SERINC3: variants seen among roughly 807,000 people sequenced by gnomAD.
SERINC3 encodes serine incorporator 3.
SERINC3 carries 22 observed loss-of-function variants against 52.1 expected under a neutral mutation model. That is an observed-to-expected ratio of 0.42 (90% CI 0.30 to 0.60). The LOEUF is 0.60. SERINC3 is among the 20% of genes least tolerant of loss of function. SERINC3 has a pLI of 0.16. For synonymous variants in SERINC3, 226 were observed against 212.7 expected (o/e 1.06, Z -0.54); for missense variants, 564 against 584.6 (o/e 0.96, Z 0.36).
rs748590093 is a variant in SERINC3 at position 44,506,819 on chromosome 20, A to T, written c.783+8T>A. 2 of 1,557,150 alleles carry T rather than the reference A, an allele frequency of 1.3e-6. No homozygotes were observed. Among genetic ancestry groups the T allele is most frequent in the South Asian group, 2.5e-5 (2 of 79,538 alleles). ...TTCACAGGAGAAAGAAGTAGTAAAC[A>T]ATCATACCTGAATTTTTGGGTGGAT... On this transcript the variant is annotated splice_region_variant and intron_variant, in intron 6 of 9. Transcript: ENST00000342374.
In SERINC3 at chr20:44,506,853, T is replaced by C. The variant is rs148307225; in HGVS notation, c.757A>G (p.Ile253Val). 4.8e-5 allele frequency: 76 copies of C among 1,592,294 alleles called. No individual in the cohort carries two copies. The highest frequency in any genetic ancestry group is 1.3e-4 in the African/African-American group (10 of 74,132). Residue 253 changes from isoleucine (I) to valine (V), a missense_variant, in exon 6 of 10, where the codon ATT becomes GTT. Coordinates refer to ENST00000342374, the MANE Select transcript of SERINC3 (RefSeq NM_006811.4). The part of the protein sequence containing the change: ...INLILCVVAS[I>V]ISIHPKIQEH... ...TGAATTTTTGGGTGGATCGATATAA[T>C]AGAAGCCACAACGCAAAGGATCAGG...
intron 9 of SERINC3, 35 bp downstream of exon 9, chr20:44,501,038 T>C (rs997031653): frequency 1.3e-6 from 2 of 1,500,918 alleles, no homozygotes; most frequent in Middle Eastern, 1.7e-4. Context: ...CCAAGGGTTT[T>C]ATGGTCTTCT....
At chr20:44,515,278 C>G (rs1189646351) in intron 1 of SERINC3, among the ~76,000 whole-genome samples, 1 of 152,126 alleles carries the variant, frequency 6.6e-6, no homozygotes, top group Non-Finnish European at 1.5e-5. Flanking sequence ...TGCTTGAACC[C>G]AGGAGGTGGA....
Position 44,513,976 on chromosome 20 carries a change from G to C in SERINC3, c.104C>G (p.Ser35Cys). 2 of 1,614,172 alleles carry C rather than the reference G, an allele frequency of 1.2e-6. No homozygotes were observed. Among genetic ancestry groups the C allele is most frequent in the Non-Finnish European group, 8.5e-7 (1 of 1,180,032 alleles). ...LCSCCPNSKNSTVTRLIYAFI... is the reference protein window; with the variant it reads ...LCSCCPNSKNCTVTRLIYAFI... Reference sequence around the variant, plus strand: ...AGCATAAATGAGGCGAGTCACCGTGGAATTCTTACTGTTAGGACAGCAACT... The same window carrying C: ...AGCATAAATGAGGCGAGTCACCGTGCAATTCTTACTGTTAGGACAGCAACT... The change falls in exon 2 of 10, where the codon TCC becomes TGC. Residue 35 changes from serine to cysteine, a missense_variant. Transcript: ENST00000342374.
At chr20:44,506,690 G>A (rs1194540058) in intron 6 of SERINC3, 137 bp downstream of exon 6, 10 of 350,890 alleles carry the variant, frequency 2.8e-5, no homozygotes, top group Non-Finnish European at 3.8e-5. Context: ...GCATGAAATA[G>A]AATTATGAAG....
chr20:44,497,214 C>T (rs2064253608), downstream of SERINC3, among the ~76,000 whole-genome samples: 1 of 152,182 alleles, frequency 6.6e-6, no homozygotes, highest in Non-Finnish European at 1.5e-5. Context: ...TCAAAATACT[C>T]CCCTGCTTTA....
At position 44,499,542 on chromosome 20, in the gene SERINC3, T is replaced by C. The variant is rs2064266877; in HGVS notation, c.*754A>G. The C allele has an allele frequency of 6.6e-6, 1 of 152,342 alleles. No individual in the cohort carries two copies. Among genetic ancestry groups the C allele is most frequent in the Non-Finnish European group, 1.5e-5 (1 of 68,034 alleles). The allele number at this position is 152,342 out of a possible 1,614,324, so 9.4% of individuals were successfully genotyped here. A position where few individuals can be genotyped will look rare whatever the true frequency, so the allele number is the denominator to read the frequency against. The stretch of plus-strand genomic sequence containing the variant: ...TGCAAATATGATAAATTCACATGCA[T>C]TTTACTTTTACATACTCATAACAAG... On this transcript the variant is annotated 3_prime_UTR_variant, in exon 10 of 10. Coordinates refer to ENST00000342374, the MANE Select transcript of SERINC3 (RefSeq NM_006811.4).
At chr20:44,506,584 C>CAAAAAAAAAAAAAAAAAAAAAAAAA (rs1191331026) in intron 6 of SERINC3, among the ~76,000 whole-genome samples, 2 of 14,262 alleles carry the variant, frequency 1.4e-4, no homozygotes, top group African/African-American at 2.4e-4. Flanking sequence ...GACTCCATCT[C>CAAAAAAAAAAAAAAAAAAAAAAAAA]AAAAAAAAAA....
chr20:44,510,107 A>T, intron 4 of SERINC3, 79 bp from the exon 5 acceptor site: 1 of 1,385,272 alleles, frequency 7.2e-7, no homozygotes, highest in Admixed American at 1.8e-5. Flanking sequence ...AACGGATTTC[A>T]ATTAAAACAA....
chr20:44,509,881 A>G lies in SERINC3; in HGVS notation c.613+10T>C, dbSNP rs6031639. Reference sequence around the variant, plus strand: ...CAGTATGGCTAACATAGGTGAGTAGAGATACCTACCAGCATACCACAACCT... The same window carrying G: ...CAGTATGGCTAACATAGGTGAGTAGGGATACCTACCAGCATACCACAACCT... On this transcript the variant is annotated intron_variant, in intron 5 of 9. Coordinates refer to ENST00000342374, the MANE Select transcript of SERINC3 (RefSeq NM_006811.4). The G allele has an allele frequency of 5.0e-6, 8 of 1,613,814 alleles. No homozygotes were observed. In the African/African-American group the frequency reaches 8.0e-5, roughly 16 times the overall value.
Position 44,501,285 on chromosome 20 carries a change from A to G in SERINC3, c.1071T>C (p.Thr357=). The G allele has an allele frequency of 6.2e-7, 1 of 1,614,076 alleles. No individual in the cohort carries two copies. The highest frequency in any genetic ancestry group is 8.5e-7 in the Non-Finnish European group (1 of 1,179,988). The part of the protein sequence containing the change: ...CLLYSSIRTS[T]NSQVDKLTLS... ...GGGTCAGCTTGTCTACTTGGCTATTAGTGGAAGTGCGGATGCTGGAAAGTG... is the reference window on the plus strand; with the variant it reads ...GGGTCAGCTTGTCTACTTGGCTATTGGTGGAAGTGCGGATGCTGGAAAGTG... The change falls in exon 9 of 10, where the codon ACT becomes ACC. Residue 357 remains threonine (T), a synonymous_variant. Transcript: ENST00000342374.
At chr20:44,508,117 CTTAG>C (rs1480513746) in intron 5 of SERINC3, among the ~76,000 whole-genome samples, 1 of 152,156 alleles carries the variant, frequency 6.6e-6, no homozygotes, top group Non-Finnish European at 1.5e-5. Context: ...TTTTTCTACA[CTTAG>C]TTACTGTAAA....
chr20:44,514,944 G>C (rs1280745772), intron 1 of SERINC3, among the ~76,000 whole-genome samples: 1 of 152,114 alleles, frequency 6.6e-6, no homozygotes, highest in Middle Eastern at 3.2e-3. Flanking sequence ...GTTTGAAACT[G>C]CTATTAAAAC....
At chr20:44,509,179 G>T (rs957571302) in intron 5 of SERINC3, among the ~76,000 whole-genome samples, 5 of 152,114 alleles carry the variant, frequency 3.3e-5, no homozygotes, top group East Asian at 1.9e-4. Context: ...TCTAGAAATT[G>T]TAAGTGCCCC....
intron 1 of SERINC3, among the ~76,000 whole-genome samples, chr20:44,516,852 G>A (rs2064383882): frequency 6.6e-6 from 1 of 152,164 alleles, no homozygotes; most frequent in Non-Finnish European, 1.5e-5. Flanking sequence ...GCCCAGCTAA[G>A]AGAGGATATA....
chr20:44,500,506 C>G, intron 9 of SERINC3, 72 bp from the exon 10 acceptor site: 1 of 1,521,006 alleles, frequency 6.6e-7, no homozygotes, highest in African/African-American at 1.4e-5. Context: ...TGCAGCCCCC[C>G]AGCCAAGGCC....
chr20:44,509,468 C>G (rs879526970), intron 5 of SERINC3, among the ~76,000 whole-genome samples: 4 of 152,084 alleles, frequency 2.6e-5, no homozygotes, highest in Non-Finnish European at 5.9e-5. Flanking sequence ...TACTTTCTTC[C>G]AGTGATGCAT....
chr20:44,516,147 CA>C (rs924502952), intron 1 of SERINC3, among the ~76,000 whole-genome samples: 1 of 151,798 alleles, frequency 6.6e-6, no homozygotes, highest in Admixed American at 6.6e-5. Context: ...ACTAAAAATA[CA>C]AAAATTAGCC....
chr20:44,512,626 C>T (rs2064355529), intron 3 of SERINC3, among the ~76,000 whole-genome samples, 175 bp downstream of exon 3: 1 of 152,130 alleles, frequency 6.6e-6, no homozygotes, highest in African/African-American at 2.4e-5. Context: ...CTCCATGTTA[C>T]AGCAATCTAA....
Sources: gnomAD v4.1 joint callset for allele counts (sites outside exome capture counted in the v4.1 genomes callset) on GRCh38, gnomAD v4.1.1 for gene constraint, MANE v1.5 for transcripts, NCBI Gene and HGNC (gene_info 2026-07-23, HGNC 2026-07-21) for gene names.